The following HEPACAM2 variants were observed in gnomAD, a reference collection of about 807,000 sequenced individuals.
The protein encoded by HEPACAM2 is HEPACAM family member 2.
HEPACAM2 carries 49 observed loss-of-function variants against 49.6 expected under a neutral mutation model. That is an observed-to-expected ratio of 0.99 (90% confidence interval 0.78 to 1.25). The LOEUF is 1.25. HEPACAM2 is among the 50% of genes most tolerant of loss of function. HEPACAM2 has a pLI of 0.00. For synonymous variants in HEPACAM2, 197 were observed against 202.9 expected, an observed-to-expected ratio of 0.97 and a Z score of 0.25; for missense variants, 525 against 557.2, an observed-to-expected ratio of 0.94 and a Z score of 0.58.
At chr7:93,227,657 C>T (rs1424946576), upstream of HEPACAM2, among the ~76,000 whole-genome samples, 1 of 152,140 alleles carries the variant, frequency 6.6e-6, no homozygotes, top group Non-Finnish European at 1.5e-5. Context: ...TCCCTCCATG[C>T]TTCAGAAAAA....
chr7:93,197,459 A>T, intron 5 of HEPACAM2, 26 bp downstream of exon 5: 20 of 1,394,088 alleles, frequency 1.4e-5, no homozygotes, highest in Admixed American at 4.2e-5. Context: ...TACAGCTTCA[A>T]TTTTTTTTTT....
At chr7:93,196,247 T>C (rs1793715428) in intron 7 of HEPACAM2, among the ~76,000 whole-genome samples, 1 of 152,150 alleles carries the variant, frequency 6.6e-6, no homozygotes, top group South Asian at 2.1e-4. Flanking sequence ...TCACACCAGT[T>C]CTTGATCCAC....
intron 8 of HEPACAM2, 55 bp downstream of exon 8, chr7:93,195,773 C>G: frequency 7.3e-7 from 1 of 1,364,538 alleles, no homozygotes; most frequent in Non-Finnish European, 1.0e-6. Flanking sequence ...GCTTTTTACA[C>G]CTCTGGTGAA....
At chr7:93,209,220 A>G (rs1031964752) in intron 3 of HEPACAM2, among the ~76,000 whole-genome samples, 3 of 152,060 alleles carry the variant, frequency 2.0e-5, no homozygotes, top group African/African-American at 7.2e-5. Context: ...CATCTTGTAG[A>G]CAAATTCAAT....
At chr7:93,197,439 T>A (rs963720590) in intron 5 of HEPACAM2, 42 bp from the exon 6 acceptor site, 2 of 1,564,910 alleles carry the variant, frequency 1.3e-6, no homozygotes, top group African/African-American at 2.8e-5. Context: ...TTTTTTTTAG[T>A]ACACATATAT....
rs542265994 is a variant in HEPACAM2, at chr7:93,197,228, G to C, written c.1201+13C>G. On this transcript the variant is annotated intron_variant, in intron 7 of 9. Coordinates refer to ENST00000394468, the MANE Select transcript of HEPACAM2 (RefSeq NM_001039372.4). ...TTAAAACTGATAATAGCCCTTTTCA[G>C]CTTGGCCATTACCTGAAAATGTTTG... 1.2e-4 allele frequency: 196 copies of C among 1,604,834 alleles called. No individual in the cohort carries two copies. Among genetic ancestry groups the C allele is most frequent in the Admixed American group, 2.2e-4 (13 of 59,264 alleles).
At chr7:93,201,259 T>G (rs1308095378) in intron 4 of HEPACAM2, among the ~76,000 whole-genome samples, 1 of 152,148 alleles carries the variant, frequency 6.6e-6, no homozygotes, top group Admixed American at 6.6e-5. Flanking sequence ...ACATAAGGTG[T>G]GTATCCAGTT....
At chr7:93,223,686 GC>G (rs1191876090) in intron 1 of HEPACAM2, among the ~76,000 whole-genome samples, 1 of 152,102 alleles carries the variant, frequency 6.6e-6, no homozygotes, top group East Asian at 1.9e-4. Context: ...AAATAGCACA[GC>G]TGTTACAGTA....
chr7:93,210,993 C>T (rs1038504940), intron 3 of HEPACAM2, among the ~76,000 whole-genome samples: 8 of 151,956 alleles, frequency 5.3e-5, no homozygotes, highest in Non-Finnish European at 4.4e-5. Context: ...TACTTTTGCA[C>T]CAACCTAGTA....
Position 93,189,245 on chromosome 7 carries a change from G to A in HEPACAM2, c.*22C>T. 1 of 1,587,166 alleles carries A rather than the reference G, an allele frequency of 6.3e-7. No individual in the cohort carries two copies. Among genetic ancestry groups the A allele is most frequent in the Non-Finnish European group, 8.6e-7 (1 of 1,159,334 alleles). On this transcript the variant is annotated 3_prime_UTR_variant, in exon 10 of 10. Coordinates refer to ENST00000394468, the MANE Select transcript of HEPACAM2 (RefSeq NM_001039372.4). ...TGTTTCTTCAGAATTTCACTCGAAT[G>A]TACTGTTTAGCCCATGAAAGTTCAC...
intron 1 of HEPACAM2, among the ~76,000 whole-genome samples, chr7:93,221,584 T>C (rs561251036): frequency 1.3e-5 from 2 of 152,164 alleles, no homozygotes; most frequent in South Asian, 4.2e-4. Context: ...TTTGGCTAGC[T>C]ATTAGTAGAG....
In HEPACAM2 at chr7:93,208,823, C is replaced by G; in HGVS notation, c.769G>C (p.Val257Leu). ...GCCTCTCCAAGGTCAACAGTAAACA[C>G]TTCCCCTACTTTTAGCCCTTTATCA... ...NSDKGLKVGEVFTVDLGEAIL... is the reference protein window; with the variant it reads ...NSDKGLKVGELFTVDLGEAIL... The change falls in exon 4 of 10, where the codon GTG (valine) becomes CTG (leucine). Residue 257 changes from valine to leucine, a missense_variant. Val to Leu is a conservative substitution (Grantham distance 32, BLOSUM62 1). Coordinates refer to ENST00000394468, the MANE Select transcript of HEPACAM2 (RefSeq NM_001039372.4). 6.2e-7 allele frequency: 1 copy of G among 1,612,344 alleles called. No individual in the cohort carries two copies. The highest frequency in any genetic ancestry group is 8.5e-7 in the Non-Finnish European group (1 of 1,179,006).
In HEPACAM2 at chr7:93,215,544, G is replaced by A; in HGVS notation, c.572C>T (p.Thr191Ile). The change falls in exon 3 of 10, where the codon ACC becomes ATC. Residue 191 changes from threonine to isoleucine, a missense_variant. Coordinates refer to ENST00000394468, the MANE Select transcript of HEPACAM2 (RefSeq NM_001039372.4). ...GGGAGAAAAGGAGTAGGTGGAGCTG[G>A]TGTGGACAGGTCTCCCATTTTTTAG... ...QWLKNGRPVH[T>I]SSTYSFSPQN... 6.2e-7 allele frequency: 1 copy of A among 1,613,828 alleles called. No individual in the cohort carries two copies. Among genetic ancestry groups the A allele is most frequent in the Non-Finnish European group, 8.5e-7 (1 of 1,179,854 alleles).
At chr7:93,219,072 C>T in intron 2 of HEPACAM2, 29 bp downstream of exon 2, 1 of 1,591,310 alleles carries the variant, frequency 6.3e-7, no homozygotes, top group African/African-American at 1.3e-5. Flanking sequence ...TGCTAGACTG[C>T]TGCCCTCGTA....
At position 93,215,478 on chromosome 7, in the gene HEPACAM2, T is replaced by A. The variant is rs1370105630; in HGVS notation, c.638A>T (p.Asp213Val). The change falls in exon 3 of 10, where the codon GAC becomes GTC. Residue 213 changes from aspartate to valine, a missense_variant. Asp to Val is a radical substitution (Grantham distance 152). Coordinates refer to ENST00000394468, the MANE Select transcript of HEPACAM2 (RefSeq NM_001039372.4). ...TLHIAPVTKEDIGNYSCLVRN... is the reference protein window; with the variant it reads ...TLHIAPVTKEVIGNYSCLVRN... The stretch of plus-strand genomic sequence containing the variant: ...CACCAGGCAGCTGTAATTCCCAATG[T>A]CTTCCTTGGTTACTGGAGCAATATG... 1 of 1,613,902 alleles carries A rather than the reference T, an allele frequency of 6.2e-7. No individual in the cohort carries two copies. Among genetic ancestry groups the A allele is most frequent in the Admixed American group, 1.7e-5 (1 of 59,970 alleles).
intron 4 of HEPACAM2, among the ~76,000 whole-genome samples, chr7:93,199,248 C>T (rs1321141668): frequency 6.6e-6 from 1 of 152,058 alleles, no homozygotes; most frequent in Non-Finnish European, 1.5e-5. Context: ...CTCTTTCAAA[C>T]CTTGGCTAGA....
chr7:93,199,451 G>A (rs1793823443), intron 4 of HEPACAM2, among the ~76,000 whole-genome samples: 1 of 152,092 alleles, frequency 6.6e-6, no homozygotes, highest in African/African-American at 2.4e-5. Flanking sequence ...GTCTCTTTGT[G>A]AGATCTTAGC....
chr7:93,207,142 A>T (rs532317949), intron 4 of HEPACAM2, among the ~76,000 whole-genome samples: 3 of 152,106 alleles, frequency 2.0e-5, no homozygotes, highest in Admixed American at 6.6e-5. Context: ...GATTACAAGA[A>T]ATTATATTGT....
At chr7:93,215,377 T>A in intron 3 of HEPACAM2, 24 bp downstream of exon 3, 1 of 1,600,056 alleles carries the variant, frequency 6.2e-7, no homozygotes, top group Non-Finnish European at 8.5e-7. Context: ...AAACAACTCA[T>A]GAGTTAAAAA....
Sources: allele counts gnomAD v4.1 joint callset (sites outside exome capture counted in the v4.1 genomes callset), GRCh38; gene constraint gnomAD v4.1.1; transcripts MANE v1.5; gene names NCBI Gene and HGNC (gene_info 2026-07-23, HGNC 2026-07-21).